Variants in WDR75 observed in about 807,000 individuals in gnomAD.
WDR75 encodes WD repeat-containing protein 75.
In WDR75, 52 loss-of-function variants were observed where a neutral mutation model predicts 106.1. That is an observed-to-expected ratio of 0.49 (90% CI 0.39 to 0.62). The LOEUF is 0.62. WDR75 is among the 20% of genes least tolerant of loss of function. The pLI is 0.00. For missense variants in WDR75, 905 were observed against 970.3 expected (o/e 0.93, Z 0.89); for synonymous variants, 333 against 335.5 (o/e 0.99, Z 0.08).
At chr2:189,460,796 G>A (rs966256821) in intron 8 of WDR75, among the ~76,000 whole-genome samples, 8 of 152,100 alleles carry the variant, frequency 5.3e-5, no homozygotes, top group South Asian at 2.1e-4. Context: ...GTGAGCTACC[G>A]TGCCCGGCCA....
chr2:189,448,760 T>G, intron 2 of WDR75: 1 of 583,454 alleles, frequency 1.7e-6, no homozygotes, highest in Non-Finnish European at 3.3e-6. Flanking sequence ...AATTCAGGGC[T>G]AGGCACAGTT....
At chr2:189,470,048 T>C (rs1412768654) in intron 16 of WDR75, 28 bp from the exon 17 acceptor site, 2 of 1,601,214 alleles carry the variant, frequency 1.2e-6, no homozygotes, top group Admixed American at 3.4e-5. Context: ...AGGCAAAATG[T>C]TATTGTTTCT....
rs1393484676 is a variant in WDR75 at position 189,441,598 on chromosome 2, T to G, written c.86+20T>G. On this transcript the variant is annotated intron_variant, in intron 1 of 20. Coordinates refer to ENST00000314761, the MANE Select transcript of WDR75 (RefSeq NM_032168.3). ...TTCTAAGTATGAGGGGCACCGCGCT[T>G]TGTCGGCTGAGGGGCGGGGCGTGAG... 6.4e-7 allele frequency: 1 copy of G among 1,552,364 alleles called. No individual in the cohort carries two copies. Among genetic ancestry groups the G allele is most frequent in the Admixed American group, 2.0e-5 (1 of 51,210 alleles).
At chr2:189,449,942 T>A in intron 2 of WDR75, 2 of 984,852 alleles carry the variant, frequency 2.0e-6, no homozygotes, top group Non-Finnish European at 2.4e-6. Context: ...TATTTTCCTA[T>A]AACAACGACA....
At chr2:189,462,678 A>G (rs1323655326) in intron 9 of WDR75, 36 bp downstream of exon 9, 2 of 1,587,468 alleles carry the variant, frequency 1.3e-6, no homozygotes, top group South Asian at 2.2e-5. Context: ...GAAATATATA[A>G]ACACCATAAA....
Position 189,470,252 on chromosome 2 carries a change from GCC to G in WDR75, c.1989+8_1989+9del. On this transcript the variant is annotated splice_region_variant and intron_variant, in intron 17 of 20. Coordinates refer to ENST00000314761, the MANE Select transcript of WDR75 (RefSeq NM_032168.3). The stretch of plus-strand genomic sequence containing the variant: ...CTTCCTAACAAAATCACAGGTAACT[GCC>G]TCCCTCAAAAAAGGCGATCACTTTG... 1 of 1,608,260 alleles carries G rather than the reference GCC, an allele frequency of 6.2e-7. No homozygotes were observed. Among genetic ancestry groups the G allele is most frequent in the Non-Finnish European group, 8.5e-7 (1 of 1,177,218 alleles).
Position 189,475,525 on chromosome 2 carries a change from T to A in WDR75, c.*108T>A. 1.4e-6 allele frequency: 1 copy of A among 734,378 alleles called. No individual in the cohort carries two copies. The highest frequency in any genetic ancestry group is 2.8e-5 in the South Asian group (1 of 36,106). The allele number at this position is 734,378 out of a possible 1,614,324, so 45.5% of individuals were successfully genotyped here. A position where few individuals can be genotyped will look rare whatever the true frequency, so the allele number is the denominator to read the frequency against. Reference sequence around the variant, plus strand: ...TCTGTTCTAAAAATAAGATAATAAATATTAACAAACTTTGCTTTTTTAAAA... The same window carrying A: ...TCTGTTCTAAAAATAAGATAATAAAAATTAACAAACTTTGCTTTTTTAAAA... On this transcript the variant is annotated 3_prime_UTR_variant, in exon 21 of 21. Coordinates refer to ENST00000314761, the MANE Select transcript of WDR75 (RefSeq NM_032168.3).
Position 189,465,232 on chromosome 2 carries a change from A to G in WDR75, c.1267A>G (p.Met423Val), listed in dbSNP as rs1451617695. ...TELELQMKLW[M>V]YNKKTQGFIL... ...GCTTGAATTGCAAATGAAACTGTGG[A>G]TGTATAATAAGAAAACACAAGGGTA... The change falls in exon 12 of 21, where the codon ATG becomes GTG. Residue 423 changes from methionine to valine, a missense_variant. Physicochemically the swap from Met to Val is conservative, Grantham distance 21. Coordinates refer to ENST00000314761, the MANE Select transcript of WDR75 (RefSeq NM_032168.3). 6.2e-7 allele frequency: 1 copy of G among 1,612,480 alleles called. No individual in the cohort carries two copies. The highest frequency in any genetic ancestry group is 1.3e-5 in the African/African-American group (1 of 74,958).
At chr2:189,461,973 A>G (rs899632551) in intron 8 of WDR75, among the ~76,000 whole-genome samples, 3 of 152,178 alleles carry the variant, frequency 2.0e-5, no homozygotes, top group Non-Finnish European at 2.9e-5. Context: ...CATCTATTCA[A>G]ATAATCATGG....
At chr2:189,466,606 T>G (rs1471361703) in intron 13 of WDR75, 24 bp downstream of exon 13, 1 of 1,582,050 alleles carries the variant, frequency 6.3e-7, no homozygotes, top group African/African-American at 1.4e-5. Flanking sequence ...TATGTTATGT[T>G]TAAAGTGTGC....
At chr2:189,444,042 G>GTAC (rs928202448) in intron 1 of WDR75, among the ~76,000 whole-genome samples, 3 of 152,124 alleles carry the variant, frequency 2.0e-5, no homozygotes, top group African/African-American at 7.2e-5. Context: ...GATATAGCTA[G>GTAC]TAGTAGGTAG....
chr2:189,458,884 C>A lies in WDR75; in HGVS notation c.689+12C>A. 6.3e-7 allele frequency: 1 copy of A among 1,597,182 alleles called. No individual in the cohort carries two copies. The highest frequency in any genetic ancestry group is 1.2e-5 in the South Asian group (1 of 86,732). ...AAAATTCGTCTTTGGTCAGTTTGCT[C>A]ATGAAGAGCATGGCGATCATTTATG... On this transcript the variant is annotated intron_variant, in intron 7 of 20. Coordinates refer to ENST00000314761, the MANE Select transcript of WDR75 (RefSeq NM_032168.3).
chr2:189,452,298 G>T (rs1161209207), intron 4 of WDR75, among the ~76,000 whole-genome samples: 1 of 152,152 alleles, frequency 6.6e-6, no homozygotes, highest in African/African-American at 2.4e-5. Context: ...AGTGGCTCAC[G>T]CCTGTAATCC....
At chr2:189,445,512 T>C (rs963708298) in intron 1 of WDR75, among the ~76,000 whole-genome samples, 2 of 151,784 alleles carry the variant, frequency 1.3e-5, no homozygotes, top group African/African-American at 4.8e-5. Flanking sequence ...TAGTCAAGAG[T>C]TCTGAGAAAT....
At chr2:189,464,984 C>A (rs1324163230) in intron 11 of WDR75, 95 bp from the exon 12 acceptor site, 7 of 965,394 alleles carry the variant, frequency 7.3e-6, no homozygotes, top group Non-Finnish European at 9.1e-6. Context: ...CAGAAGTTGT[C>A]TTGGATGTAG....
rs1686712012 is a variant in WDR75 at position 189,455,392 on chromosome 2, T to C, written c.446T>C (p.Phe149Ser). Residue 149 changes from phenylalanine (F) to serine (S), a missense_variant, in exon 5 of 21, where the codon TTT becomes TCT. Physicochemically the swap from Phe to Ser is radical, Grantham distance 155. Transcript: ENST00000314761. ...GAAGTAGAAGCCAAGGAGCTGTCCTTTGTTTTGGATTACATAAACCAGTCA... is the reference window on the plus strand; with the variant it reads ...GAAGTAGAAGCCAAGGAGCTGTCCTCTGTTTTGGATTACATAAACCAGTCA... ...SQEVEAKELS[F>S]VLDYINQSPK... The C allele has an allele frequency of 6.2e-7, 1 of 1,614,182 alleles. No individual in the cohort carries two copies. Among genetic ancestry groups the C allele is most frequent in the East Asian group, 2.2e-5 (1 of 44,882 alleles).
intron 1 of WDR75, among the ~76,000 whole-genome samples, chr2:189,443,575 G>A (rs182301921): frequency 6.6e-6 from 1 of 152,320 alleles, no homozygotes; most frequent in East Asian, 1.9e-4. Flanking sequence ...ACATGTTGGT[G>A]AGTGGAGAAA....
rs762541945 is a variant in WDR75, at chr2:189,468,611, A to G, written c.1723+42A>G. On this transcript the variant is annotated intron_variant, in intron 15 of 20. Transcript: ENST00000314761. The stretch of plus-strand genomic sequence containing the variant: ...TCTAAAGTGATCTGGCAAAGCGCAT[A>G]AGGAGTTGACATTAAACTTTGGCAT... 6 of 1,595,102 alleles carry G rather than the reference A, an allele frequency of 3.8e-6. No homozygotes were observed. In the East Asian group the frequency reaches 1.3e-4, roughly 36 times the overall value.
chr2:189,455,240 CAA>C, intron 4 of WDR75, 78 bp from the exon 5 acceptor site: 2 of 1,237,004 alleles, frequency 1.6e-6, no homozygotes, highest in South Asian at 1.6e-5. Flanking sequence ...GACTTTGCCT[CAA>C]AAAAAAAAGA....
Sources: allele counts gnomAD v4.1 joint callset (sites outside exome capture counted in the v4.1 genomes callset), GRCh38; gene constraint gnomAD v4.1.1; transcripts MANE v1.5; gene names NCBI Gene and HGNC (gene_info 2026-07-23, HGNC 2026-07-21).